Variants in LGSN observed in about 807,000 individuals in gnomAD.
LGSN encodes lengsin, lens protein with glutamine synthetase domain.
A neutral mutation model predicts 19.5 loss-of-function variants in LGSN; 21 were observed. The ratio of observed to expected loss-of-function variants is 1.07; its 90% CI spans 0.76 to 1.55. LGSN has a LOEUF of 1.55. LGSN is among the 40% of genes most tolerant of loss of function. LGSN has a pLI of 0.00. For missense variants in LGSN, 673 were observed against 608.5 expected, an observed-to-expected ratio of 1.11 and a Z score of -1.12; for synonymous variants, 257 against 215.6, an observed-to-expected ratio of 1.19 and a Z score of -1.68.
chr6:63,427,038 C>A, the LGSN span, among the ~76,000 whole-genome samples: 2 of 151,356 alleles, frequency 1.3e-5, no homozygotes, highest in Admixed American at 6.6e-5. Flanking sequence ...AATTTACAGA[C>A]CTTTCCCTTT....
the LGSN span, among the ~76,000 whole-genome samples, chr6:63,361,871 A>C: frequency 1.3e-5 from 2 of 152,190 alleles, no homozygotes; most frequent in African/African-American, 4.8e-5. Context: ...AGCAAGAATG[A>C]AGGGGAGGTT....
chr6:63,548,799 C>G, the LGSN span: 14 of 731,360 alleles, frequency 1.9e-5, no homozygotes, highest in Non-Finnish European at 3.5e-5. Flanking sequence ...ATTGCCTCCC[C>G]AGTGACGGCG....
At chr6:63,498,651 G>A in the LGSN span, among the ~76,000 whole-genome samples, 1 of 152,128 alleles carries the variant, frequency 6.6e-6, no homozygotes, top group Non-Finnish European at 1.5e-5. Flanking sequence ...CACAATGCTT[G>A]AACAAGGACA....
the LGSN span, among the ~76,000 whole-genome samples, chr6:63,450,901 T>C: frequency 6.6e-6 from 1 of 152,132 alleles, no homozygotes; most frequent in Non-Finnish European, 1.5e-5. Flanking sequence ...CTCGAATTCC[T>C]GAGCTCAGAC....
At chr6:63,563,075 T>C in the LGSN span, among the ~76,000 whole-genome samples, 1 of 152,234 alleles carries the variant, frequency 6.6e-6, no homozygotes, top group African/African-American at 2.4e-5. Context: ...ACTGTCCTGA[T>C]CATAGTCAAC....
intron 1 of LGSN, among the ~76,000 whole-genome samples, chr6:63,309,370 T>C (rs1562017460): frequency 6.6e-6 from 1 of 152,112 alleles, no homozygotes; most frequent in Non-Finnish European, 1.5e-5. Flanking sequence ...AGGCAGAGGT[T>C]GCAGTGAGCC....
At chr6:63,372,479 G>A in the LGSN span, among the ~76,000 whole-genome samples, 117 of 152,262 alleles carry the variant, frequency 7.7e-4, no homozygotes, top group Middle Eastern at 3.4e-3. Context: ...ATGTGTGGAG[G>A]AGTGGGTGGT....
At chr6:63,398,036 C>T in the LGSN span, among the ~76,000 whole-genome samples, 2 of 151,994 alleles carry the variant, frequency 1.3e-5, no homozygotes, top group Admixed American at 6.6e-5. Flanking sequence ...ACACATTACT[C>T]GCATGTTTGT....
the LGSN span, among the ~76,000 whole-genome samples, chr6:63,521,053 G>T: frequency 6.6e-6 from 1 of 151,982 alleles, no homozygotes; most frequent in African/African-American, 2.4e-5. Context: ...TGGACACAGG[G>T]AGGTGAACAT....
At chr6:63,500,474 T>G in the LGSN span, among the ~76,000 whole-genome samples, 1 of 152,032 alleles carries the variant, frequency 6.6e-6, no homozygotes, top group South Asian at 2.1e-4. Flanking sequence ...CAGGCTGGAG[T>G]GCAATGGTGT....
chr6:63,490,106 G>C, the LGSN span, among the ~76,000 whole-genome samples: 2 of 152,166 alleles, frequency 1.3e-5, no homozygotes, highest in Non-Finnish European at 2.9e-5. Context: ...CATAGGAAAA[G>C]AAAATACTCA....
At chr6:63,303,318 T>C (rs1411767432) in intron 1 of LGSN, among the ~76,000 whole-genome samples, 2 of 152,202 alleles carry the variant, frequency 1.3e-5, no homozygotes, top group African/African-American at 2.4e-5. Context: ...GCTAATGCAA[T>C]AACAATAGCT....
chr6:63,547,599 G>A, the LGSN span, among the ~76,000 whole-genome samples: 3 of 143,118 alleles, frequency 2.1e-5, no homozygotes, highest in South Asian at 2.3e-4. Flanking sequence ...TCCGCCTCCC[G>A]GGTTCATTCC....
upstream of LGSN, among the ~76,000 whole-genome samples, chr6:63,322,310 G>A (rs1387278275): frequency 6.6e-6 from 1 of 152,152 alleles, no homozygotes; most frequent in African/African-American, 2.4e-5. Context: ...TAACTGATAA[G>A]GAAATAGGGT....
chr6:63,545,861 A>G, the LGSN span, among the ~76,000 whole-genome samples: 2 of 152,190 alleles, frequency 1.3e-5, no homozygotes, highest in African/African-American at 4.8e-5. Flanking sequence ...TTCTAAGAAG[A>G]AAGAAAAAAA....
the LGSN span, among the ~76,000 whole-genome samples, chr6:63,510,989 T>C: frequency 6.6e-6 from 1 of 151,150 alleles, no homozygotes; most frequent in Admixed American, 6.6e-5. Context: ...TGCGAATTAT[T>C]TAGAGGAGCA....
the LGSN span, among the ~76,000 whole-genome samples, chr6:63,503,018 G>A: frequency 2.5e-3 from 385 of 152,072 alleles, 3 homozygotes; most frequent in African/African-American, 8.8e-3. Flanking sequence ...TTTGCCATAA[G>A]AAAATTCTCA....
At chr6:63,369,247 A>G in the LGSN span, among the ~76,000 whole-genome samples, 1 of 152,242 alleles carries the variant, frequency 6.6e-6, no homozygotes, top group Non-Finnish European at 1.5e-5. Flanking sequence ...TTTGAAGTGT[A>G]AATAGATGTC....
the LGSN span, among the ~76,000 whole-genome samples, chr6:63,353,588 CAAAAA>C: frequency 2.7e-5 from 2 of 74,162 alleles, no homozygotes; most frequent in Non-Finnish European, 2.9e-5. Context: ...CAGTTTGTAG[CAAAAA>C]AAAAAAAAAA....
Sources: allele counts gnomAD v4.1 joint callset (sites outside exome capture counted in the v4.1 genomes callset), GRCh38; gene constraint gnomAD v4.1.1; transcripts MANE v1.5; gene names NCBI Gene and HGNC (gene_info 2026-07-23, HGNC 2026-07-21).